PCSK5: variants seen among roughly 807,000 people sequenced by gnomAD.
PCSK5 encodes the protein proprotein convertase subtilisin/kexin type 5.
Under a neutral mutation model 233.2 loss-of-function variants are expected in PCSK5, and 129 were observed. That is an observed-to-expected ratio of 0.55 (90% confidence interval 0.48 to 0.64). PCSK5 has a LOEUF of 0.64. Among genes scored for constraint, PCSK5 ranks in the 30% least tolerant of loss-of-function variants. PCSK5 has a pLI of 0.00. For synonymous variants in PCSK5, 825 were observed against 879.2 expected (o/e 0.94, Z 1.09); for missense variants, 2,076 against 2,430.1 (o/e 0.85, Z 3.06).
chr9:76,013,945 CTT>C (rs142765776), intron 3 of PCSK5, among the ~76,000 whole-genome samples: 37 of 144,388 alleles, frequency 2.6e-4, no homozygotes, highest in African/African-American at 6.0e-4. Context: ...TTTTTCTCAA[CTT>C]TTTTTTTTTT....
chr9:76,029,520 TACTTG>T, intron 5 of PCSK5, among the ~76,000 whole-genome samples: 1 of 152,352 alleles, frequency 6.6e-6, no homozygotes, highest in East Asian at 1.9e-4. Context: ...AGTTTTATTA[TACTTG>T]ACCTGATTAT....
In PCSK5 at chr9:76,358,796, T is replaced by G; in HGVS notation, c.5538T>G (p.Asp1846Glu). The stretch of plus-strand genomic sequence containing the variant: ...GGGATCGGGACTATGATGAGGATGA[T>G]GATGATGACATCGTCTACATGGGCC... ...EYRDRDYDED[D>E]DDDIVYMGQD... is the part of the protein sequence containing the mutation. Residue 1846 changes from aspartate (D) to glutamate (E), a missense_variant, in exon 38 of 38, where the codon GAT becomes GAG. Around this residue, in one of 6 missense-constraint regions of PCSK5, gnomAD observed 1,510 missense variants for 1,538.1 expected, o/e 0.98. Transcript: ENST00000674117. The G allele has an allele frequency of 6.2e-7, 1 of 1,612,914 alleles. No homozygotes were observed. Among genetic ancestry groups the G allele is most frequent in the South Asian group, 1.1e-5 (1 of 91,090 alleles).
At chr9:75,906,337 T>TGCCTCA (rs993058446) in intron 1 of PCSK5, among the ~76,000 whole-genome samples, 1 of 152,160 alleles carries the variant, frequency 6.6e-6, no homozygotes, top group Non-Finnish European at 1.5e-5. Context: ...GCAATTCTCC[T>TGCCTCA]GCCTCAGCCT....
At chr9:75,959,501 A>G (rs1047906902) in intron 2 of PCSK5, among the ~76,000 whole-genome samples, 1 of 152,158 alleles carries the variant, frequency 6.6e-6, no homozygotes, top group Admixed American at 6.5e-5. Flanking sequence ...TGCTCTTACT[A>G]AAAGAGGATG....
chr9:76,256,788 T>G (rs1826996221), intron 24 of PCSK5, among the ~76,000 whole-genome samples: 1 of 152,206 alleles, frequency 6.6e-6, no homozygotes, highest in Non-Finnish European at 1.5e-5. Flanking sequence ...TGTGGAAAAT[T>G]GAGTCAGAAA....
rs11144708 is a variant in PCSK5, at chr9:75,983,111, T to C, written c.298-3021T>C. Among the ~76,000 whole-genome samples, 122 of 152,288 alleles carry C rather than the reference T, an allele frequency of 8.0e-4. 1 individual carries two copies. The East Asian group carries it at 0.018, about 23-fold the overall frequency. On this transcript the variant is annotated intron_variant, in intron 2 of 37. Coordinates refer to ENST00000674117, the MANE Select transcript of PCSK5 (RefSeq NM_001372043.1). ...GGGTCAATTTCTTGACTTTCTATGC[T>C]ATTACATTGGTATATCTGTAGACAT...
At chr9:76,032,629 CCA>C (rs1383023662) in intron 5 of PCSK5, among the ~76,000 whole-genome samples, 2 of 152,194 alleles carry the variant, frequency 1.3e-5, no homozygotes, top group East Asian at 3.9e-4. Flanking sequence ...TCATAAAAAC[CCA>C]TCCTTCGATT....
At chr9:76,028,447 T>C (rs1055345024) in intron 5 of PCSK5, among the ~76,000 whole-genome samples, 3 of 151,956 alleles carry the variant, frequency 2.0e-5, no homozygotes, top group African/African-American at 7.3e-5. Context: ...ACTTAGGAAG[T>C]GGGGAGTGCT....
chr9:76,215,219 T>A (rs1359264710), intron 20 of PCSK5, among the ~76,000 whole-genome samples: 1 of 152,128 alleles, frequency 6.6e-6, no homozygotes, highest in East Asian at 1.9e-4. Context: ...CCCAGGCACA[T>A]CATACCATGT....
rs568424192 is a variant in PCSK5 at position 76,122,161 on chromosome 9, G to A, written c.1209-11948G>A. 7.2e-5 allele frequency among the ~76,000 whole-genome samples: 11 copies of A among 152,118 alleles called. No homozygotes were observed. The East Asian group carries it at 2.1e-3, about 29-fold the overall frequency. On this transcript the variant is annotated intron_variant, in intron 9 of 37. Transcript: ENST00000674117. ...CTGCCTTAATATTTAGAATTTATTA[G>A]TGTTTTCTTCTTATTTTCTTGGTTA...
intron 14 of PCSK5, 105 bp from the exon 15 acceptor site, chr9:76,179,491 T>C: frequency 1.4e-6 from 1 of 708,276 alleles, no homozygotes; most frequent in East Asian, 2.8e-5. Context: ...AAAGAAACTC[T>C]CTGCATAAGA....
At position 76,338,529 on chromosome 9, in the gene PCSK5, C is replaced by T. The variant is rs945215680; in HGVS notation, c.4966+82C>T. The T allele has an allele frequency of 8.1e-6, 8 of 982,088 alleles. No homozygotes were observed. In the African/African-American group the frequency reaches 1.3e-4, roughly 16 times the overall value. 60.8% of individuals were successfully genotyped at this position (982,088 alleles called of 1,614,324 possible). A position where few individuals can be genotyped will look rare whatever the true frequency, so the allele number is the denominator to read the frequency against. On this transcript the variant is annotated intron_variant, in intron 35 of 37. Transcript: ENST00000674117. ...CCTTATTTGCCCCTTTCTCTCTTCTCACCACCTGGGAGGTTCCTCTTGCTT... is the reference window on the plus strand; with the variant it reads ...CCTTATTTGCCCCTTTCTCTCTTCTTACCACCTGGGAGGTTCCTCTTGCTT...
chr9:76,116,566 G>A (rs1564036563), intron 9 of PCSK5, among the ~76,000 whole-genome samples: 1 of 151,780 alleles, frequency 6.6e-6, no homozygotes, highest in African/African-American at 2.4e-5. Context: ...TGGAGATGCT[G>A]CATAGTGCAA....
rs996533184 is a variant in PCSK5, at chr9:76,324,473, C to T, written c.4339+1185C>T. 7.2e-5 allele frequency among the ~76,000 whole-genome samples: 11 copies of T among 152,170 alleles called. No individual in the cohort carries two copies. The East Asian group carries it at 9.7e-4, about 13-fold the overall frequency. On this transcript the variant is annotated intron_variant, in intron 32 of 37. Coordinates refer to ENST00000674117, the MANE Select transcript of PCSK5 (RefSeq NM_001372043.1). ...CCTGAATGCCTGATCTCAAGTGATCCGCCCACCCTGGCCTCCCAAAGTGCT... is the reference window on the plus strand; with the variant it reads ...CCTGAATGCCTGATCTCAAGTGATCTGCCCACCCTGGCCTCCCAAAGTGCT...
Position 76,296,671 on chromosome 9 carries a change from G to A in PCSK5, c.3329G>A (p.Ser1110Asn), listed in dbSNP as rs1201444125. 6.2e-7 allele frequency: 1 copy of A among 1,606,614 alleles called. No individual in the cohort carries two copies. Among genetic ancestry groups the A allele is most frequent in the African/African-American group, 1.3e-5 (1 of 74,828 alleles). ...CEEGFFLLGG[S>N]CVRKCGPGFY... ...TCTCTGTGTTCTCACATAGGTGGCAGTTGTGTGAGGAAATGTGGTCCTGGA... is the reference window on the plus strand; with the variant it reads ...TCTCTGTGTTCTCACATAGGTGGCAATTGTGTGAGGAAATGTGGTCCTGGA... Residue 1110 changes from serine to asparagine, a missense_variant, in exon 27 of 38, where the codon AGT becomes AAT. Physicochemically the swap from Ser to Asn is conservative, Grantham distance 46. Around this residue, in one of 6 missense-constraint regions of PCSK5, gnomAD observed 1,510 missense variants for 1,538.1 expected, o/e 0.98. Transcript: ENST00000674117.
intron 32 of PCSK5, among the ~76,000 whole-genome samples, chr9:76,325,905 G>A (rs983650502): frequency 6.6e-6 from 1 of 152,126 alleles, no homozygotes; most frequent in African/African-American, 2.4e-5. Context: ...CCAAAGTGCT[G>A]GGATTACAGG....
intron 2 of PCSK5, among the ~76,000 whole-genome samples, chr9:75,960,457 G>A (rs527612640): frequency 6.6e-6 from 1 of 152,260 alleles, no homozygotes; most frequent in East Asian, 1.9e-4. Context: ...AGACAAGAGA[G>A]AGACTATCAG....
chr9:76,015,682 G>A (rs928070870), intron 3 of PCSK5, among the ~76,000 whole-genome samples: 7 of 152,124 alleles, frequency 4.6e-5, no homozygotes, highest in African/African-American at 1.4e-4. Context: ...TCATATACTG[G>A]ACAACTTTAG....
chr9:75,922,866 A>G lies in PCSK5; in HGVS notation c.193-9513A>G, dbSNP rs987237181. On this transcript the variant is annotated intron_variant, in intron 1 of 37. Coordinates refer to ENST00000674117, the MANE Select transcript of PCSK5 (RefSeq NM_001372043.1). ...GCTGTGTCTTAAGTTTCCTTGGTGA[A>G]AGTGTTGCATCTGTTTCTTACCCGC... Among the ~76,000 whole-genome samples, 4 of 152,184 alleles carry G rather than the reference A, an allele frequency of 2.6e-5. No homozygotes were observed. The East Asian group carries it at 5.8e-4, about 22-fold the overall frequency.
Sources: allele counts gnomAD v4.1 joint callset (sites outside exome capture counted in the v4.1 genomes callset), GRCh38; gene constraint gnomAD v4.1.1; regional missense constraint gnomAD v4.1.1; transcripts MANE v1.5; gene names NCBI Gene and HGNC (gene_info 2026-07-23, HGNC 2026-07-21).